The following KANK4 variants were observed in gnomAD, a reference collection of about 807,000 sequenced individuals.
The protein encoded by KANK4 is KN motif and ankyrin repeat domains 4, also known as KN motif and ankyrin repeat domain-containing protein 4.
In KANK4, 50 loss-of-function variants were observed where a neutral mutation model predicts 80.8. The ratio of observed to expected loss-of-function variants is 0.62; its 90% CI spans 0.49 to 0.78. The LOEUF is 0.78. Ranked by LOEUF, KANK4 falls within the 30% of genes least tolerant of loss-of-function variation. The probability of loss-of-function intolerance (pLI) is 0.00; values close to 1 mark genes in which losing one functional copy is unlikely to be tolerated. For synonymous variants in KANK4, 465 were observed against 506.9 expected (o/e 0.92, Z 1.11); for missense variants, 1,196 against 1,240.1 (o/e 0.96, Z 0.53).
In KANK4 at chr1:62,236,560, T is replaced by C. The variant is rs1173412948; in HGVS notation, c.*1717A>G. On this transcript the variant is annotated 3_prime_UTR_variant, in exon 10 of 10. Transcript: ENST00000371153. ...TGGCAAAAGAAGTTTGCTGTACCAT[T>C]GCTGTAGATGGCCTTAATGGGTTAC... Among the ~76,000 whole-genome samples the C allele has an allele frequency of 6.6e-6, 1 of 151,802 alleles. No homozygotes were observed. The highest frequency in any genetic ancestry group is 1.5e-5 in the Non-Finnish European group (1 of 68,010).
intron 9 of KANK4, among the ~76,000 whole-genome samples, chr1:62,239,669 C>G (rs969065207): frequency 6.6e-6 from 1 of 152,126 alleles, no homozygotes; most frequent in Non-Finnish European, 1.5e-5. Flanking sequence ...CCTCACTCCC[C>G]CCACCCCACG....
In KANK4 at chr1:62,247,511, G is replaced by A. The variant is rs1284996064; in HGVS notation, c.2844C>T (p.Leu948=). ...HHGNVDLVRL[L]LAHPACDSSL... The stretch of plus-strand genomic sequence containing the variant: ...TGCTGTCGCAGGCTGGGTGTGCCAG[G>A]AGCAGCCGCACCAGGTCCACGTTGC... The change falls in exon 9 of 10, where the codon CTC becomes CTT. Residue 948 remains leucine (L), a synonymous_variant. Transcript: ENST00000371153. The A allele has an allele frequency of 6.2e-7, 1 of 1,613,968 alleles. No homozygotes were observed. Among genetic ancestry groups the A allele is most frequent in the Admixed American group, 1.7e-5 (1 of 60,022 alleles).
At chr1:62,308,488 G>A (rs1644471958) in intron 1 of KANK4, among the ~76,000 whole-genome samples, 1 of 152,060 alleles carries the variant, frequency 6.6e-6, no homozygotes, top group Admixed American at 6.5e-5. Flanking sequence ...AGGAGCCTGG[G>A]CCAGGTGCTC....
At chr1:62,260,809 G>A (rs897970426) in intron 7 of KANK4, among the ~76,000 whole-genome samples, 1 of 152,012 alleles carries the variant, frequency 6.6e-6, no homozygotes, top group African/African-American at 2.4e-5. Flanking sequence ...GTTATCACAC[G>A]ACTGCCTGGG....
Position 62,274,436 on chromosome 1 carries a change from C to A in KANK4, c.668G>T (p.Arg223Leu), listed in dbSNP as rs767511820. 1 of 1,614,062 alleles carries A rather than the reference C, an allele frequency of 6.2e-7. No homozygotes were observed. The highest frequency in any genetic ancestry group is 8.5e-7 in the Non-Finnish European group (1 of 1,180,034). Residue 223 changes from arginine (R) to leucine (L), a missense_variant, in exon 3 of 10, where the codon CGG becomes CTG. Transcript: ENST00000371153. ...FHSSSPRAST[R>L]IPELVQEGAE... ...TCCCTCCTGGACCAGCTCTGGAATC[C>A]GAGTTGATGCTCGTGGGCTGGAGCT...
intron 1 of KANK4, among the ~76,000 whole-genome samples, chr1:62,292,459 T>C (rs1440420917): frequency 6.6e-6 from 1 of 152,184 alleles, no homozygotes; most frequent in Non-Finnish European, 1.5e-5. Flanking sequence ...ATATTACCTA[T>C]TGTTCAAATC....
chr1:62,274,881 G>C lies in KANK4; in HGVS notation c.223C>G (p.Leu75Val). ...GGGGGGCGAGCCCCACTGTCAGGAA[G>C]GCTGAAGTTTCGGGGCAGAGTGCTA... ...KFSTLPRNFSLPDSGARPPAA... is the reference protein window; with the variant it reads ...KFSTLPRNFSVPDSGARPPAA... The change falls in exon 3 of 10, where the codon CTT becomes GTT. Residue 75 changes from leucine (L) to valine (V), a missense_variant. By Grantham distance (32) the Leu-to-Val change is conservative. Transcript: ENST00000371153. The C allele has an allele frequency of 6.2e-7, 1 of 1,614,188 alleles. No homozygotes were observed.
At chr1:62,259,237 A>G (rs1370615448) in intron 7 of KANK4, among the ~76,000 whole-genome samples, 1 of 152,058 alleles carries the variant, frequency 6.6e-6, no homozygotes, top group Non-Finnish European at 1.5e-5. Context: ...TCTACCTCCT[A>G]GATGGCAGAA....
intron 1 of KANK4, among the ~76,000 whole-genome samples, chr1:62,308,756 C>T (rs1644474136): frequency 6.6e-6 from 1 of 152,194 alleles, no homozygotes; most frequent in African/African-American, 2.4e-5. Flanking sequence ...CCAGGGAACT[C>T]AGCACCTCAG....
At chr1:62,318,242 C>T (rs573990954) in intron 1 of KANK4, among the ~76,000 whole-genome samples, 1 of 152,206 alleles carries the variant, frequency 6.6e-6, no homozygotes, top group Non-Finnish European at 1.5e-5. Context: ...AAAATACTCC[C>T]TCTTTGCCCT....
chr1:62,271,569 G>T lies in KANK4; in HGVS notation c.1921C>A (p.Leu641Ile). The change falls in exon 4 of 10, where the codon CTT (leucine) becomes ATT (isoleucine). Residue 641 changes from leucine (L) to isoleucine (I), a missense_variant. By Grantham distance (5) the Leu-to-Ile change is conservative. This residue lies in a region of KANK4 where 1,154 missense variants were observed against 1,179.6 expected (regional missense o/e 0.98). Coordinates refer to ENST00000371153, the MANE Select transcript of KANK4 (RefSeq NM_181712.5). ...TCTTTCTTTTTCATTATGGATTTAA[G>T]GCTGGTCGATGGGGAGATCTCTAGG... ...PPVEISPSTS[L>I]KSIMKKKDYG... 1 of 1,613,722 alleles carries T rather than the reference G, an allele frequency of 6.2e-7. No homozygotes were observed.
intron 1 of KANK4, among the ~76,000 whole-genome samples, chr1:62,311,699 C>T (rs1354699549): frequency 2.6e-5 from 4 of 152,152 alleles, no homozygotes; most frequent in Admixed American, 6.5e-5. Context: ...GATTGCTTTG[C>T]ATGGGATTAA....
chr1:62,282,637 G>T (rs990201182), intron 1 of KANK4, among the ~76,000 whole-genome samples: 13 of 152,336 alleles, frequency 8.5e-5, no homozygotes, highest in South Asian at 6.2e-4. Context: ...GGCTGGAAAA[G>T]ATGAGGCCTG....
At chr1:62,314,784 T>C (rs1268045420) in intron 1 of KANK4, among the ~76,000 whole-genome samples, 1 of 152,022 alleles carries the variant, frequency 6.6e-6, no homozygotes, top group East Asian at 1.9e-4. Flanking sequence ...GGGATTTGTG[T>C]TTTCTCCCAC....
At chr1:62,310,410 A>C (rs2149172927) in intron 1 of KANK4, among the ~76,000 whole-genome samples, 1 of 152,266 alleles carries the variant, frequency 6.6e-6, no homozygotes, top group Admixed American at 6.5e-5. Context: ...AGAGGGAGAA[A>C]GCAGCAGGGG....
chr1:62,296,760 G>A (rs1644367907), intron 1 of KANK4, among the ~76,000 whole-genome samples: 2 of 151,830 alleles, frequency 1.3e-5, no homozygotes, highest in South Asian at 4.2e-4. Flanking sequence ...GGCTGGTCTT[G>A]AACTACTGGG....
chr1:62,307,758 AT>A (rs34091753), intron 1 of KANK4, among the ~76,000 whole-genome samples: 33,478 of 145,076 alleles, frequency 0.23, 3,759 homozygotes, highest in African/African-American at 0.26. Context: ...GCCAGACCTG[AT>A]TTTTTTTTTT....
intron 1 of KANK4, among the ~76,000 whole-genome samples, chr1:62,290,640 C>A (rs1337298883): frequency 6.6e-6 from 1 of 152,148 alleles, no homozygotes; most frequent in African/African-American, 2.4e-5. Context: ...TCTTTCTCAC[C>A]CCATTTTTAA....
intron 9 of KANK4, among the ~76,000 whole-genome samples, chr1:62,245,513 T>C (rs1242754477): frequency 1.3e-5 from 2 of 152,192 alleles, no homozygotes; most frequent in African/African-American, 4.8e-5. Flanking sequence ...TCTCCAGGTT[T>C]TTGTTCCCTT....
Sources: gnomAD v4.1 joint callset for allele counts (sites outside exome capture counted in the v4.1 genomes callset) on GRCh38, gnomAD v4.1.1 for gene constraint, gnomAD v4.1.1 regional missense constraint, MANE v1.5 for transcripts, NCBI Gene and HGNC (gene_info 2026-07-23, HGNC 2026-07-21) for gene names.